AUTS2: variants seen among roughly 807,000 people sequenced by gnomAD.
The protein encoded by AUTS2 is autism susceptibility gene 2 protein.
Under a neutral mutation model 112.4 loss-of-function variants are expected in AUTS2, and 17 were observed. That is an observed-to-expected ratio of 0.15 (90% confidence interval 0.10 to 0.23). The LOEUF (loss-of-function observed/expected upper bound fraction) is 0.23, where lower values mean the gene tolerates loss of function less well. Ranked by LOEUF, AUTS2 falls within the 10% of genes least tolerant of loss-of-function variation. The pLI, the probability that AUTS2 is intolerant of heterozygous loss-of-function variation, is 1.00. For missense variants in AUTS2, 1,510 were observed against 1,701.6 expected, an observed-to-expected ratio of 0.89 and a Z score of 1.98; for synonymous variants, 751 against 702.7, an observed-to-expected ratio of 1.07 and a Z score of -1.09.
intron 5 of AUTS2, among the ~76,000 whole-genome samples, chr7:70,637,722 G>T (rs1208710914): frequency 1.3e-5 from 2 of 152,116 alleles, no homozygotes; most frequent in Non-Finnish European, 2.9e-5. Flanking sequence ...GGGTATTTTG[G>T]GGGTTGGTTT....
intron 1 of AUTS2, among the ~76,000 whole-genome samples, chr7:69,725,392 T>A (rs1786460607): frequency 6.6e-6 from 1 of 152,176 alleles, no homozygotes; most frequent in Non-Finnish European, 1.5e-5. Context: ...ATAGTCTATA[T>A]GTGTTAGAGA....
chr7:70,167,575 A>T (rs1808450256), intron 4 of AUTS2, among the ~76,000 whole-genome samples: 1 of 152,362 alleles, frequency 6.6e-6, no homozygotes, highest in South Asian at 2.1e-4. Flanking sequence ...GACTCAATCA[A>T]CATTTATAGA....
At chr7:70,246,273 G>T (rs1267090303) in intron 4 of AUTS2, among the ~76,000 whole-genome samples, 1 of 151,996 alleles carries the variant, frequency 6.6e-6, no homozygotes, top group Non-Finnish European at 1.5e-5. Flanking sequence ...CTACTCTGAG[G>T]TCATAAAAGC....
At position 70,635,782 on chromosome 7, in the gene AUTS2, G is replaced by A. The variant is rs117476108; in HGVS notation, c.691-62787G>A. Among the ~76,000 whole-genome samples the A allele has an allele frequency of 4.1e-3, 626 of 152,330 alleles. 1 individual carries two copies. The highest frequency in any genetic ancestry group is 7.5e-3 in the Non-Finnish European group (512 of 68,030). On this transcript the variant is annotated intron_variant, in intron 5 of 18. Coordinates refer to ENST00000342771, the MANE Select transcript of AUTS2 (RefSeq NM_015570.4). ...AACATGACTAAGGACTGCAGGACCT[G>A]TGCATGCTGTTAGGTAACTCTGGCC...
chr7:70,557,155 G>A (rs1465722334), intron 5 of AUTS2, among the ~76,000 whole-genome samples: 2 of 151,024 alleles, frequency 1.3e-5, no homozygotes, highest in African/African-American at 2.4e-5. Flanking sequence ...CCTCATTCTA[G>A]TCATGCCCAT....
intron 4 of AUTS2, among the ~76,000 whole-genome samples, chr7:70,261,977 A>G (rs1462636100): frequency 6.6e-6 from 1 of 152,148 alleles, no homozygotes; most frequent in Non-Finnish European, 1.5e-5. Flanking sequence ...TTTGATTTTC[A>G]TGCTATTAAT....
intron 4 of AUTS2, among the ~76,000 whole-genome samples, chr7:70,189,619 T>C (rs1419523991): frequency 6.6e-6 from 1 of 152,212 alleles, no homozygotes; most frequent in Non-Finnish European, 1.5e-5. Flanking sequence ...AGTCTCAGTT[T>C]CTTTGTCTGT....
At chr7:70,307,975 AGTT>A (rs1464790171) in intron 4 of AUTS2, among the ~76,000 whole-genome samples, 4 of 152,232 alleles carry the variant, frequency 2.6e-5, no homozygotes, top group Non-Finnish European at 4.4e-5. Context: ...ATAAGTAAGT[AGTT>A]TAGTCTTCTC....
chr7:70,500,938 G>T (rs1464272506), intron 5 of AUTS2, among the ~76,000 whole-genome samples: 2 of 152,014 alleles, frequency 1.3e-5, no homozygotes, highest in Non-Finnish European at 2.9e-5. Context: ...GGCCAGGCTG[G>T]TCTCGAACTC....
At chr7:70,529,225 A>T (rs1799980110) in intron 5 of AUTS2, among the ~76,000 whole-genome samples, 1 of 152,264 alleles carries the variant, frequency 6.6e-6, no homozygotes, top group Non-Finnish European at 1.5e-5. Context: ...TGCTGGAAAA[A>T]TGGAATAAAG....
chr7:70,473,657 C>T (rs976947467), intron 5 of AUTS2, among the ~76,000 whole-genome samples: 1 of 151,950 alleles, frequency 6.6e-6, no homozygotes, highest in African/African-American at 2.4e-5. Context: ...ACCCCTTCCT[C>T]ACTGGAGTCA....
chr7:69,737,390 A>C (rs1787078765), intron 1 of AUTS2, among the ~76,000 whole-genome samples: 1 of 152,158 alleles, frequency 6.6e-6, no homozygotes, highest in South Asian at 2.1e-4. Flanking sequence ...AATTGAGGCA[A>C]AGAGAGGTTA....
rs74644679 is a variant in AUTS2, at chr7:70,523,044, A to G, written c.690+87263A>G. On this transcript the variant is annotated intron_variant, in intron 5 of 18. Transcript: ENST00000342771. ...GCTGCTTCTAAAACTAATTTCCAAG[A>G]TAACTTTCTTACCTGGGACTTTATG... Among the ~76,000 whole-genome samples, 1,133 of 152,348 alleles carry G rather than the reference A, an allele frequency of 7.4e-3. 28 individuals are homozygous for G. The highest frequency in any genetic ancestry group is 0.043 in the Admixed American group (663 of 15,304).
At chr7:70,546,424 A>G (rs1212309682) in intron 5 of AUTS2, among the ~76,000 whole-genome samples, 1 of 151,808 alleles carries the variant, frequency 6.6e-6, no homozygotes, top group Non-Finnish European at 1.5e-5. Flanking sequence ...AGCCTAGGCA[A>G]CAGAGTGAGA....
rs924392828 is a variant in AUTS2, at chr7:70,675,016, G to C, written c.691-23553G>C. Among the ~76,000 whole-genome samples the C allele has an allele frequency of 5.1e-4, 77 of 152,268 alleles. 1 individual carries two copies. Among genetic ancestry groups the C allele is most frequent in the African/African-American group, 1.7e-3 (69 of 41,558 alleles). ...GCACCTCCTGCACCCTGCGATTCAGGCTGGCAATTTCTATCCCTTTATTAA... is the reference window on the plus strand; with the variant it reads ...GCACCTCCTGCACCCTGCGATTCAGCCTGGCAATTTCTATCCCTTTATTAA... On this transcript the variant is annotated intron_variant, in intron 5 of 18. Coordinates refer to ENST00000342771, the MANE Select transcript of AUTS2 (RefSeq NM_015570.4).
intron 1 of AUTS2, among the ~76,000 whole-genome samples, chr7:69,798,390 C>T (rs770904380): frequency 9.7e-4 from 147 of 152,162 alleles, no homozygotes; most frequent in Non-Finnish European, 1.7e-3. Flanking sequence ...CGTTGCATTA[C>T]CCCCTCTTCA....
intron 5 of AUTS2, among the ~76,000 whole-genome samples, chr7:70,455,352 G>A (rs1011084555): frequency 6.6e-6 from 1 of 152,138 alleles, no homozygotes; most frequent in Admixed American, 6.5e-5. Context: ...GCTACAGGTG[G>A]CAATGGCAAG....
At chr7:70,556,813 G>T (rs1801266962) in intron 5 of AUTS2, among the ~76,000 whole-genome samples, 1 of 152,148 alleles carries the variant, frequency 6.6e-6, no homozygotes, top group African/African-American at 2.4e-5. Context: ...ATACCTTGAT[G>T]TAATTATCTC....
At chr7:70,422,171 A>G (rs1044106757) in intron 4 of AUTS2, among the ~76,000 whole-genome samples, 38 of 152,146 alleles carry the variant, frequency 2.5e-4, no homozygotes, top group African/African-American at 9.2e-4. Context: ...AACCATTCTC[A>G]TTATCTCAAG....
Sources: gnomAD v4.1 joint callset for allele counts (sites outside exome capture counted in the v4.1 genomes callset) on GRCh38, gnomAD v4.1.1 for gene constraint, MANE v1.5 for transcripts, NCBI Gene and HGNC (gene_info 2026-07-23, HGNC 2026-07-21) for gene names.